Variants in TRDN observed in about 807,000 individuals in gnomAD.
The protein encoded by TRDN is triadin in skeletal muscle.
TRDN carries 161 observed loss-of-function variants against 149.7 expected under a neutral mutation model. The ratio of observed to expected loss-of-function variants is 1.08; its 90% CI spans 0.95 to 1.23. TRDN has a LOEUF of 1.23. TRDN is among the 50% of genes most tolerant of loss of function. TRDN has a pLI of 0.00. For synonymous variants in TRDN, 294 were observed against 250.5 expected, an observed-to-expected ratio of 1.17 and a Z score of -1.64; for missense variants, 896 against 823.5, an observed-to-expected ratio of 1.09 and a Z score of -1.08.
intron 2 of TRDN, among the ~76,000 whole-genome samples, chr6:123,567,448 G>A (rs1782349157): frequency 6.6e-6 from 1 of 152,084 alleles, no homozygotes; most frequent in African/African-American, 2.4e-5. Flanking sequence ...CCTGAGACTG[G>A]GTCATTTATA....
chr6:123,494,795 G>A (rs1432629415), intron 9 of TRDN, among the ~76,000 whole-genome samples: 1 of 151,928 alleles, frequency 6.6e-6, no homozygotes, highest in Non-Finnish European at 1.5e-5. Context: ...GTACAGTGGC[G>A]AGATCTCGGC....
At chr6:123,447,383 C>T (rs1221449539) in intron 10 of TRDN, among the ~76,000 whole-genome samples, 3 of 152,100 alleles carry the variant, frequency 2.0e-5, no homozygotes, top group East Asian at 3.9e-4. Flanking sequence ...TTCATAATTA[C>T]AATAAGGACT....
chr6:123,595,907 C>G (rs1282354657), intron 1 of TRDN, among the ~76,000 whole-genome samples: 1 of 151,978 alleles, frequency 6.6e-6, no homozygotes, highest in Non-Finnish European at 1.5e-5. Context: ...GAGACACAAT[C>G]AAAATTAGGC....
intron 1 of TRDN, among the ~76,000 whole-genome samples, chr6:123,621,979 C>G (rs1250769226): frequency 6.6e-6 from 1 of 152,146 alleles, no homozygotes; most frequent in Non-Finnish European, 1.5e-5. Flanking sequence ...ACAGTTGACT[C>G]TTGAACAACA....
chr6:123,530,410 A>C, intron 5 of TRDN, 96 bp downstream of exon 5: 1 of 707,262 alleles, frequency 1.4e-6, no homozygotes, highest in Non-Finnish European at 2.0e-6. Context: ...AATATCAAAA[A>C]TGTTACAAAA....
intron 38 of TRDN, among the ~76,000 whole-genome samples, chr6:123,251,968 A>G (rs893227159): frequency 2.0e-5 from 3 of 152,072 alleles, no homozygotes; most frequent in Non-Finnish European, 4.4e-5. Flanking sequence ...CTATACAATT[A>G]AATTACAATT....
intron 9 of TRDN, 65 bp downstream of exon 9, chr6:123,497,128 A>C: frequency 7.6e-7 from 1 of 1,309,292 alleles, no homozygotes; most frequent in South Asian, 1.5e-5. Context: ...TAGGTACATA[A>C]AAAGCCCACA....
At chr6:123,472,029 GATAA>G (rs1777179521) in intron 9 of TRDN, among the ~76,000 whole-genome samples, 2 of 152,156 alleles carry the variant, frequency 1.3e-5, no homozygotes. Context: ...TCTCCGGAAG[GATAA>G]ATAGTCTAAC....
intron 24 of TRDN, among the ~76,000 whole-genome samples, chr6:123,293,889 G>A (rs140586494): frequency 3.3e-5 from 5 of 152,016 alleles, no homozygotes; most frequent in South Asian, 2.1e-4. Context: ...TAAGACCCAC[G>A]AATACCAGAA....
intron 2 of TRDN, among the ~76,000 whole-genome samples, 153 bp downstream of exon 2, chr6:123,570,770 A>C (rs2114536645): frequency 6.6e-6 from 1 of 152,308 alleles, no homozygotes; most frequent in Admixed American, 6.5e-5. Context: ...AAAAGGGAAG[A>C]ATGAAACAGA....
intron 12 of TRDN, among the ~76,000 whole-genome samples, chr6:123,412,512 G>T (rs1482723432): frequency 6.6e-6 from 1 of 152,160 alleles, no homozygotes; most frequent in African/African-American, 2.4e-5. Flanking sequence ...AGTGCTGGAA[G>T]ACCATCATCA....
chr6:123,256,054 A>G (rs970403791), intron 35 of TRDN, among the ~76,000 whole-genome samples, 152 bp from the exon 36 acceptor site: 1 of 152,032 alleles, frequency 6.6e-6, no homozygotes. Context: ...CCCATCATCT[A>G]CATTAGGTAT....
intron 38 of TRDN, among the ~76,000 whole-genome samples, chr6:123,246,408 C>T (rs373772669): frequency 6.6e-6 from 1 of 152,224 alleles, no homozygotes; most frequent in East Asian, 1.9e-4. Flanking sequence ...GATATCACCA[C>T]TGATTCCACA....
intron 24 of TRDN, among the ~76,000 whole-genome samples, chr6:123,282,109 A>G (rs1378763562): frequency 1.3e-5 from 2 of 152,002 alleles, no homozygotes; most frequent in African/African-American, 2.4e-5. Context: ...AGACACACAG[A>G]GAGAATACTG....
intron 7 of TRDN, among the ~76,000 whole-genome samples, chr6:123,510,784 C>T (rs1779143088): frequency 1.3e-5 from 2 of 151,958 alleles, no homozygotes; most frequent in South Asian, 2.1e-4. Flanking sequence ...GCTGGGATTA[C>T]AAGTGTGTGC....
In TRDN at chr6:123,243,028, A is replaced by G. The variant is rs80033615; in HGVS notation, c.1975+9384T>C. ...CTGCCACTGCCACCTTGACAAGGTCAAGGAGGGAGAAGGAAGGCCTGGCAC... is the reference window on the plus strand; with the variant it reads ...CTGCCACTGCCACCTTGACAAGGTCGAGGAGGGAGAAGGAAGGCCTGGCAC... On this transcript the variant is annotated intron_variant, in intron 38 of 40. Transcript: ENST00000334268. 8.3e-3 allele frequency among the ~76,000 whole-genome samples: 1,264 copies of G among 152,204 alleles called. 12 individuals carry two copies. The highest frequency in any genetic ancestry group is 0.029 in the African/African-American group (1,203 of 41,552).
intron 32 of TRDN, among the ~76,000 whole-genome samples, chr6:123,265,969 G>T (rs1291556768): frequency 6.9e-6 from 1 of 145,360 alleles, no homozygotes; most frequent in African/African-American, 2.5e-5. Flanking sequence ...ATAAAAAGTA[G>T]AAAAGATTTA....
At chr6:123,340,095 T>C (rs1016007319) in intron 21 of TRDN, among the ~76,000 whole-genome samples, 4 of 152,144 alleles carry the variant, frequency 2.6e-5, no homozygotes, top group African/African-American at 9.6e-5. Context: ...TACTTTTAAT[T>C]GTATTGTAGA....
At chr6:123,529,051 T>TA (rs1780085616) in intron 5 of TRDN, 2 of 1,417,218 alleles carry the variant, frequency 1.4e-6, no homozygotes, top group Non-Finnish European at 1.8e-6. Context: ...CACTGCTCGG[T>TA]CTTTGACATC....
Sources: gnomAD v4.1 joint callset for allele counts (sites outside exome capture counted in the v4.1 genomes callset) on GRCh38, gnomAD v4.1.1 for gene constraint, MANE v1.5 for transcripts, NCBI Gene and HGNC (gene_info 2026-07-23, HGNC 2026-07-21) for gene names.